UNC5C: variants seen among roughly 807,000 people sequenced by gnomAD.
The protein encoded by UNC5C is netrin receptor UNC5C.
Under a neutral mutation model 99.8 loss-of-function variants are expected in UNC5C, and 47 were observed. The ratio of observed to expected loss-of-function variants is 0.47; its 90% CI spans 0.37 to 0.60. UNC5C has a LOEUF of 0.60. Among genes scored for constraint, UNC5C ranks in the 20% least tolerant of loss-of-function variants. The pLI, the probability that UNC5C is intolerant of heterozygous loss-of-function variation, is 0.00. For synonymous variants in UNC5C, 487 were observed against 452.2 expected (o/e 1.08, Z -0.98); for missense variants, 1,062 against 1,165.9 (o/e 0.91, Z 1.30).
intron 1 of UNC5C, among the ~76,000 whole-genome samples, chr4:95,512,075 T>C (rs1487642406): frequency 6.6e-6 from 1 of 151,822 alleles, no homozygotes; most frequent in East Asian, 1.9e-4. Context: ...TGAAAATGGG[T>C]CTGGAGAAGG....
At chr4:95,177,206 C>T (rs1317774805) in intron 14 of UNC5C, among the ~76,000 whole-genome samples, 4 of 152,198 alleles carry the variant, frequency 2.6e-5, no homozygotes, top group Admixed American at 6.5e-5. Context: ...CCATCTTATG[C>T]GTCGCTCACA....
intron 1 of UNC5C, among the ~76,000 whole-genome samples, chr4:95,420,718 G>A (rs1352123997): frequency 6.6e-6 from 1 of 152,022 alleles, no homozygotes; most frequent in Non-Finnish European, 1.5e-5. Flanking sequence ...GGGCATCTGT[G>A]GCTGAATACA....
chr4:95,390,462 C>T (rs1435058914), intron 1 of UNC5C, among the ~76,000 whole-genome samples: 1 of 151,178 alleles, frequency 6.6e-6, no homozygotes, highest in Non-Finnish European at 1.5e-5. Context: ...TACATTCCAA[C>T]AGTAAATATA....
chr4:95,292,236 C>CACATAT (rs1553961220), intron 3 of UNC5C, among the ~76,000 whole-genome samples: 27 of 88,752 alleles, frequency 3.0e-4, no homozygotes, highest in Non-Finnish European at 4.8e-4. Context: ...CACACACACA[C>CACATAT]ATATATATAT....
chr4:95,526,769 T>G (rs1207640274), intron 1 of UNC5C, among the ~76,000 whole-genome samples: 2 of 152,054 alleles, frequency 1.3e-5, no homozygotes, highest in Non-Finnish European at 1.5e-5. Flanking sequence ...TTTCACAATG[T>G]GAATTTTGTT....
chr4:95,435,703 T>C (rs114952129), intron 1 of UNC5C, among the ~76,000 whole-genome samples: 2,991 of 152,120 alleles, frequency 0.02, 83 homozygotes, highest in African/African-American at 0.062. Flanking sequence ...TAACCCTCCT[T>C]CCACCTCTTC....
intron 1 of UNC5C, among the ~76,000 whole-genome samples, chr4:95,366,507 A>G (rs1266672709): frequency 6.6e-6 from 1 of 152,184 alleles, no homozygotes; most frequent in Non-Finnish European, 1.5e-5. Context: ...GGATGGCTCT[A>G]TGTTTTGAGA....
At chr4:95,447,138 A>C (rs897989728) in intron 1 of UNC5C, among the ~76,000 whole-genome samples, 41 of 152,194 alleles carry the variant, frequency 2.7e-4, no homozygotes, top group African/African-American at 9.9e-4. Context: ...ATCTGAATCT[A>C]TTTTGTCTAG....
intron 1 of UNC5C, among the ~76,000 whole-genome samples, chr4:95,521,510 G>A (rs1026069803): frequency 2.0e-5 from 3 of 152,064 alleles, no homozygotes; most frequent in Middle Eastern, 3.4e-3. Context: ...GAGCCTCCAC[G>A]CCTGGCCTCT....
At chr4:95,285,614 A>G (rs1004852427) in intron 3 of UNC5C, among the ~76,000 whole-genome samples, 2 of 152,140 alleles carry the variant, frequency 1.3e-5, no homozygotes, top group Non-Finnish European at 2.9e-5. Context: ...AATATTCCTT[A>G]TTGTTCTTAT....
At chr4:95,539,467 ATTC>A (rs1487824122) in intron 1 of UNC5C, among the ~76,000 whole-genome samples, 2 of 152,184 alleles carry the variant, frequency 1.3e-5, no homozygotes, top group Non-Finnish European at 2.9e-5. Flanking sequence ...GTAAGATATA[ATTC>A]TTCATTCAGA....
intron 1 of UNC5C, among the ~76,000 whole-genome samples, chr4:95,544,033 CA>C (rs1474791406): frequency 1.3e-5 from 2 of 152,150 alleles, no homozygotes; most frequent in African/African-American, 4.8e-5. Flanking sequence ...GTTTCTTTTA[CA>C]TCTAGATTTC....
chr4:95,348,763 T>G (rs1353185377), intron 1 of UNC5C, among the ~76,000 whole-genome samples: 4 of 151,544 alleles, frequency 2.6e-5, no homozygotes, highest in Non-Finnish European at 5.9e-5. Context: ...AAAGATTTTT[T>G]ATGACTGAAT....
At chr4:95,503,365 G>C (rs1426432820) in intron 1 of UNC5C, among the ~76,000 whole-genome samples, 2 of 152,062 alleles carry the variant, frequency 1.3e-5, no homozygotes, top group Non-Finnish European at 2.9e-5. Context: ...AAATTGGCCA[G>C]TCTGTGGTAT....
intron 1 of UNC5C, among the ~76,000 whole-genome samples, chr4:95,382,678 G>A (rs1339387193): frequency 6.6e-6 from 1 of 152,072 alleles, no homozygotes; most frequent in Non-Finnish European, 1.5e-5. Context: ...GTCCTCAGGT[G>A]GAATAATCTA....
chr4:95,520,757 C>A (rs956255377), intron 1 of UNC5C, among the ~76,000 whole-genome samples: 2 of 151,970 alleles, frequency 1.3e-5, no homozygotes. Context: ...GGCCACCACG[C>A]CCAGCTAATT....
At chr4:95,515,568 A>C (rs1316454370) in intron 1 of UNC5C, among the ~76,000 whole-genome samples, 1 of 152,212 alleles carries the variant, frequency 6.6e-6, no homozygotes, top group Admixed American at 6.5e-5. Flanking sequence ...AAAGCATGTA[A>C]AATTTTCCCT....
chr4:95,483,680 T>TC (rs1721241214), intron 1 of UNC5C, among the ~76,000 whole-genome samples: 2 of 151,850 alleles, frequency 1.3e-5, no homozygotes, highest in African/African-American at 4.8e-5. Flanking sequence ...CCTGAAGGGT[T>TC]CCCTCTCCTT....
intron 7 of UNC5C, among the ~76,000 whole-genome samples, chr4:95,236,383 T>G (rs1739113739): frequency 7.1e-6 from 1 of 141,078 alleles, no homozygotes; most frequent in Non-Finnish European, 1.5e-5. Context: ...AATTGAACGA[T>G]GAGAACACTT....
Sources: gnomAD v4.1 joint callset for allele counts (sites outside exome capture counted in the v4.1 genomes callset) on GRCh38, gnomAD v4.1.1 for gene constraint, MANE v1.5 for transcripts, NCBI Gene and HGNC (gene_info 2026-07-23, HGNC 2026-07-21) for gene names.